The following ZNF112 variants were observed in gnomAD, a reference collection of about 807,000 sequenced individuals.
ZNF112 encodes zinc finger protein 112, also known as zinc finger protein 112 (Y14).
ZNF112 carries 37 observed loss-of-function variants against 77.7 expected under a neutral mutation model. That is an observed-to-expected ratio of 0.48 (90% confidence interval 0.37 to 0.63). The LOEUF (loss-of-function observed/expected upper bound fraction) is 0.63. Ranked by LOEUF, ZNF112 falls within the 20% of genes least tolerant of loss-of-function variation. The pLI, the probability that ZNF112 is intolerant of heterozygous loss-of-function variation, is 0.00. For synonymous variants in ZNF112, 333 were observed against 363.6 expected (o/e 0.92, Z 0.96); for missense variants, 950 against 1,077.4 (o/e 0.88, Z 1.66).
rs774516913 is a variant in ZNF112, at chr19:44,328,752, CAT to C, written c.1403_1404del (p.Tyr468CysfsTer3). On this transcript the variant is annotated frameshift_variant, in exon 4 of 4. Coordinates refer to ENST00000354340, the MANE Select transcript of ZNF112 (RefSeq NM_013380.4). LOFTEE classifies it high-confidence loss of function. ...VHTKEQPYKR[Y>X]VCSNSFSHNL... is the part of the protein sequence containing the mutation. Reference sequence around the variant, plus strand: ...TTATGGCTGAAGCTGTTACTACACACATAGCGTTTATATGGTTGTTCCTTAGT... The same window carrying C: ...TTATGGCTGAAGCTGTTACTACACACAGCGTTTATATGGTTGTTCCTTAGT... 1 of 1,614,046 alleles carries C rather than the reference CAT, an allele frequency of 6.2e-7. No homozygotes were observed. Among genetic ancestry groups the C allele is most frequent in the South Asian group, 1.1e-5 (1 of 91,072 alleles).
intron 1 of ZNF112, among the ~76,000 whole-genome samples, chr19:44,342,277 C>T (rs933680070): frequency 6.6e-6 from 1 of 152,156 alleles, no homozygotes; most frequent in Non-Finnish European, 1.5e-5. Flanking sequence ...ACAAAAACAT[C>T]TATTTTTCCC....
At chr19:44,349,356 G>A (rs1401663899) in intron 1 of ZNF112, among the ~76,000 whole-genome samples, 1 of 150,224 alleles carries the variant, frequency 6.7e-6, no homozygotes, top group Non-Finnish European at 1.5e-5. Context: ...CACTCTTCAA[G>A]CCAAACACAA....
In ZNF112 at chr19:44,341,679, C is replaced by T. The variant is rs148603280; in HGVS notation, c.-3-1137G>A. Among the ~76,000 whole-genome samples, 9 of 152,278 alleles carry T rather than the reference C, an allele frequency of 5.9e-5. No individual in the cohort carries two copies. In the East Asian group the frequency reaches 1.5e-3, roughly 26 times the overall value. ...CTTTACACACATTTGCTGTTCATCTCGATTTCTTGTTTTGTAATAATAATT... is the reference window on the plus strand; with the variant it reads ...CTTTACACACATTTGCTGTTCATCTTGATTTCTTGTTTTGTAATAATAATT... On this transcript the variant is annotated intron_variant, in intron 1 of 3. Coordinates refer to ENST00000354340, the MANE Select transcript of ZNF112 (RefSeq NM_013380.4).
intron 1 of ZNF112, among the ~76,000 whole-genome samples, chr19:44,351,297 C>T (rs1327174385): frequency 6.6e-6 from 1 of 152,064 alleles, no homozygotes; most frequent in Non-Finnish European, 1.5e-5. Flanking sequence ...TATCTCATAC[C>T]ATGTGAAGTA....
At chr19:44,341,275 A>C in intron 1 of ZNF112, 1 of 445,874 alleles carries the variant, frequency 2.2e-6, no homozygotes, top group Admixed American at 2.5e-5. Context: ...AATGGTCTAG[A>C]ATATAATAAT....
intron 3 of ZNF112, among the ~76,000 whole-genome samples, chr19:44,331,691 C>T (rs781548991): frequency 1.3e-5 from 2 of 152,222 alleles, no homozygotes; most frequent in Non-Finnish European, 2.9e-5. Context: ...GTTTTGTGCA[C>T]TGCATTCCTT....
chr19:44,337,310 T>A (rs1970388432), intron 2 of ZNF112, among the ~76,000 whole-genome samples: 2 of 115,396 alleles, frequency 1.7e-5, no homozygotes, highest in African/African-American at 7.0e-5. Flanking sequence ...TATATATATA[T>A]TTTGTATATG....
intron 1 of ZNF112, among the ~76,000 whole-genome samples, chr19:44,348,483 A>T (rs944777866): frequency 6.6e-6 from 1 of 151,536 alleles, no homozygotes. Flanking sequence ...CCATCGAATA[A>T]TTTTTTTTTA....
Position 44,337,298 on chromosome 19 carries a change from A to T in ZNF112, c.125-580T>A, listed in dbSNP as rs990402031. The stretch of plus-strand genomic sequence containing the variant: ...TTATATATATTTCATATATGTATAA[A>T]ATATATATATATTTTGTATATGTAT... On this transcript the variant is annotated intron_variant, in intron 2 of 3. Transcript: ENST00000354340. Among the ~76,000 whole-genome samples, 7 of 122,860 alleles carry T rather than the reference A, an allele frequency of 5.7e-5. No individual in the cohort carries two copies. The East Asian group carries it at 6.6e-4, about 12-fold the overall frequency. The allele number at this position is 122,860 out of a possible 152,430, so 80.6% of individuals were successfully genotyped here.
chr19:44,338,382 C>T (rs952860525), intron 2 of ZNF112, among the ~76,000 whole-genome samples: 3 of 152,152 alleles, frequency 2.0e-5, no homozygotes, highest in Non-Finnish European at 2.9e-5. Context: ...CAGGAAAATA[C>T]TTGTGTTACC....
intron 1 of ZNF112, among the ~76,000 whole-genome samples, chr19:44,344,685 G>C (rs889580287): frequency 2.6e-5 from 4 of 152,210 alleles, no homozygotes; most frequent in African/African-American, 9.6e-5. Context: ...AGAGAGCATG[G>C]AAGGGCCCTC....
Position 44,328,600 on chromosome 19 carries a change from G to GCCGCATA in ZNF112, c.1556_1557insTATGCGG (p.Lys520MetfsTer14), listed in dbSNP as rs1400863683. 1 of 1,613,784 alleles carries GCCGCATA rather than the reference G, an allele frequency of 6.2e-7. No individual in the cohort carries two copies. The highest frequency in any genetic ancestry group is 1.3e-5 in the African/African-American group (1 of 74,826). On this transcript the variant is annotated frameshift_variant, in exon 4 of 4. Transcript: ENST00000354340. LOFTEE classifies it high-confidence loss of function. The stretch of plus-strand genomic sequence containing the variant: ...AACCTTTGCCGCATATATTGCATTT[G>GCCGCATA]TATGGCTTCTGTCCAGTGTGGACTC...
chr19:44,334,921 C>T (rs561688865), intron 3 of ZNF112, among the ~76,000 whole-genome samples: 2 of 152,212 alleles, frequency 1.3e-5, no homozygotes, highest in Non-Finnish European at 1.5e-5. Context: ...GGGGTTGGAG[C>T]CCCCAGAGTC....
chr19:44,329,749 C>G lies in ZNF112; in HGVS notation c.408G>C (p.Gln136His). The change falls in exon 4 of 4, where the codon CAG becomes CAC. Residue 136 changes from glutamine to histidine, a missense_variant. Gln to His is a conservative substitution (Grantham distance 24, BLOSUM62 0). Around this residue, in one of 3 missense-constraint regions of ZNF112, gnomAD observed 560 missense variants for 557.3 expected, o/e 1.00. Coordinates refer to ENST00000354340, the MANE Select transcript of ZNF112 (RefSeq NM_013380.4). ...QLQEQGNSLG[Q>H]VWAGIPVQIS... ...TCTGAACTGGTATTCCTGCCCAAAC[C>G]TGGCCGAGGGAATTACCTTGTTCTT... The G allele has an allele frequency of 1.9e-6, 3 of 1,614,048 alleles. No individual in the cohort carries two copies. The highest frequency in any genetic ancestry group is 2.5e-6 in the Non-Finnish European group (3 of 1,180,004).
intron 1 of ZNF112, among the ~76,000 whole-genome samples, chr19:44,366,304 T>C (rs1178440013): frequency 6.6e-6 from 1 of 152,206 alleles, no homozygotes; most frequent in African/African-American, 2.4e-5. Context: ...TGGGCTTGAC[T>C]TCTCATTTTG....
At chr19:44,332,045 C>T (rs184468684) in intron 3 of ZNF112, among the ~76,000 whole-genome samples, 85 of 152,194 alleles carry the variant, frequency 5.6e-4, no homozygotes, top group South Asian at 8.3e-4. Context: ...GGCATGGTGA[C>T]GCAATCCTGT....
upstream of ZNF112, among the ~76,000 whole-genome samples, chr19:44,360,044 C>G (rs936774967): frequency 6.6e-6 from 1 of 151,480 alleles, no homozygotes; most frequent in African/African-American, 2.4e-5. Flanking sequence ...ATCATGAGAT[C>G]AGGAGATCCA....
chr19:44,336,764 T>G (rs777383033), intron 2 of ZNF112, 46 bp from the exon 3 acceptor site: 42 of 1,518,158 alleles, frequency 2.8e-5, no homozygotes, highest in Non-Finnish European at 3.1e-5. Flanking sequence ...TTTGATGACA[T>G]TCAATTGGTC....
intron 1 of ZNF112, among the ~76,000 whole-genome samples, chr19:44,356,057 C>T (rs866891151): frequency 6.6e-6 from 1 of 152,090 alleles, no homozygotes; most frequent in Non-Finnish European, 1.5e-5. Context: ...GTGATCCTGT[C>T]CTAAAGAAAA....
Sources: allele counts gnomAD v4.1 joint callset (sites outside exome capture counted in the v4.1 genomes callset), GRCh38; gene constraint gnomAD v4.1.1; regional missense constraint gnomAD v4.1.1; transcripts MANE v1.5; gene names NCBI Gene and HGNC (gene_info 2026-07-23, HGNC 2026-07-21).